The following GALNTL6 variants were observed in gnomAD, a reference collection of about 807,000 sequenced individuals.
The protein encoded by GALNTL6 is polypeptide N-acetylgalactosaminyltransferase like 6.
A neutral mutation model predicts 73.7 loss-of-function variants in GALNTL6; 46 were observed. That is an observed-to-expected ratio of 0.62 (90% confidence interval 0.49 to 0.80). The LOEUF is 0.80. Among genes scored for constraint, GALNTL6 ranks in the 30% least tolerant of loss-of-function variants. The pLI is 0.00. For missense variants in GALNTL6, 604 were observed against 755.0 expected, an observed-to-expected ratio of 0.80 and a Z score of 2.34; for synonymous variants, 259 against 263.7, an observed-to-expected ratio of 0.98 and a Z score of 0.17.
chr4:171,868,670 T>C (rs1249050758), intron 2 of GALNTL6, among the ~76,000 whole-genome samples: 2 of 152,140 alleles, frequency 1.3e-5, no homozygotes, highest in Admixed American at 6.5e-5. Context: ...TTCTCCTCAG[T>C]AACTGAACAT....
intron 3 of GALNTL6, among the ~76,000 whole-genome samples, chr4:172,241,408 A>G (rs1338259504): frequency 2.0e-5 from 3 of 152,252 alleles, no homozygotes; most frequent in African/African-American, 7.2e-5. Context: ...TAAAAGGAGC[A>G]ATTGAAAGAC....
chr4:171,996,162 A>G (rs1740478219), intron 2 of GALNTL6, among the ~76,000 whole-genome samples: 1 of 152,116 alleles, frequency 6.6e-6, no homozygotes, highest in South Asian at 2.1e-4. Context: ...AGTGATACAC[A>G]TGTTTATTAG....
chr4:172,501,984 T>C (rs1162981277), intron 5 of GALNTL6, among the ~76,000 whole-genome samples: 1 of 152,140 alleles, frequency 6.6e-6, no homozygotes, highest in Non-Finnish European at 1.5e-5. Context: ...AAGCATACAT[T>C]TCCTACTGCA....
intron 5 of GALNTL6, among the ~76,000 whole-genome samples, chr4:172,561,295 A>G (rs768016363): frequency 8.7e-5 from 13 of 149,862 alleles, no homozygotes; most frequent in African/African-American, 1.2e-4. Flanking sequence ...ATATTGCCCA[A>G]GTTCACACAG....
intron 2 of GALNTL6, among the ~76,000 whole-genome samples, chr4:171,909,507 G>A (rs1278392565): frequency 6.6e-6 from 1 of 152,090 alleles, no homozygotes; most frequent in African/African-American, 2.4e-5. Context: ...TAGTTGCTAA[G>A]CTCTTGCACA....
At chr4:171,996,875 A>G in intron 2 of GALNTL6, among the ~76,000 whole-genome samples, 1 of 152,052 alleles carries the variant, frequency 6.6e-6, no homozygotes, top group East Asian at 1.9e-4. Flanking sequence ...CCTAATAAAC[A>G]CCTAGATATA....
At chr4:172,888,090 C>G (rs1365011911) in intron 8 of GALNTL6, among the ~76,000 whole-genome samples, 1 of 152,068 alleles carries the variant, frequency 6.6e-6, no homozygotes, top group Non-Finnish European at 1.5e-5. Context: ...GATATTAGAC[C>G]TTTGTCACAT....
rs376420862 is a variant in GALNTL6 at position 172,759,730 on chromosome 4, A to G, written c.554-49631A>G. Among the ~76,000 whole-genome samples, 36 of 150,460 alleles carry G rather than the reference A, an allele frequency of 2.4e-4. No homozygotes were observed. In the East Asian group the frequency reaches 6.1e-3, roughly 26 times the overall value. ...GAACTAGGGAAGTGACTTTCTTAGG[A>G]TATTACACAGAGAAGGAATAGTTTT... On this transcript the variant is annotated intron_variant, in intron 5 of 12. Transcript: ENST00000506823.
intron 5 of GALNTL6, among the ~76,000 whole-genome samples, chr4:172,466,297 T>C (rs2111453263): frequency 6.6e-6 from 1 of 152,340 alleles, no homozygotes; most frequent in Non-Finnish European, 1.5e-5. Flanking sequence ...AGTAATGTGA[T>C]AGTTGAATTT....
intron 8 of GALNTL6, among the ~76,000 whole-genome samples, chr4:172,887,585 A>C (rs546626061): frequency 1.4e-4 from 17 of 121,740 alleles, no homozygotes; most frequent in Non-Finnish European, 3.1e-4. Flanking sequence ...TATTTTTGAG[A>C]TCGAGTCTCA....
chr4:172,583,754 T>C (rs1443938379), intron 5 of GALNTL6, among the ~76,000 whole-genome samples: 2 of 150,942 alleles, frequency 1.3e-5, no homozygotes, highest in Admixed American at 6.6e-5. Context: ...ACAAAAATTA[T>C]CCGGGGGTGG....
intron 3 of GALNTL6, among the ~76,000 whole-genome samples, chr4:172,256,932 A>G (rs889813824): frequency 6.6e-6 from 1 of 151,210 alleles, no homozygotes; most frequent in Non-Finnish European, 1.5e-5. Context: ...GGTTCAGAAA[A>G]CCTTCCAAAG....
chr4:171,945,380 G>C (rs1369236784), intron 2 of GALNTL6, among the ~76,000 whole-genome samples: 1 of 151,972 alleles, frequency 6.6e-6, no homozygotes, highest in Admixed American at 6.6e-5. Context: ...AAGTTTTTAA[G>C]GCATAAGAGA....
At chr4:172,444,758 C>T (rs1731958913) in intron 5 of GALNTL6, among the ~76,000 whole-genome samples, 1 of 152,086 alleles carries the variant, frequency 6.6e-6, no homozygotes, top group African/African-American at 2.4e-5. Context: ...CAGCAAAATA[C>T]CTCATCCAAT....
At chr4:172,542,476 C>T (rs943669671) in intron 5 of GALNTL6, among the ~76,000 whole-genome samples, 2 of 152,124 alleles carry the variant, frequency 1.3e-5, no homozygotes, top group African/African-American at 4.8e-5. Flanking sequence ...CCGAGGACTC[C>T]TATACCCTTA....
intron 3 of GALNTL6, among the ~76,000 whole-genome samples, chr4:172,246,419 T>G (rs1737662269): frequency 6.6e-6 from 1 of 152,192 alleles, no homozygotes; most frequent in African/African-American, 2.4e-5. Flanking sequence ...CATTAAAGAA[T>G]AACTTTTGAA....
In GALNTL6 at chr4:172,455,335, C is replaced by T. The variant is rs149128269; in HGVS notation, c.553+106646C>T. Among the ~76,000 whole-genome samples, 307 of 152,224 alleles carry T rather than the reference C, an allele frequency of 2.0e-3. 2 individuals are homozygous for T. Among genetic ancestry groups the T allele is most frequent in the Admixed American group, 0.016 (238 of 15,290 alleles). ...AGGAGTTTTTGTCATACCTCAGTGG[C>T]GCCTGGAACACCAGCGAGACAGAAC... On this transcript the variant is annotated intron_variant, in intron 5 of 12. Transcript: ENST00000506823.
intron 3 of GALNTL6, chr4:172,266,254 G>A (rs1285052353): frequency 2.0e-5 from 3 of 152,242 alleles, no homozygotes; most frequent in Admixed American, 1.3e-4. Context: ...CTGAGAGGAA[G>A]GCTGTTGGGG....
intron 2 of GALNTL6, among the ~76,000 whole-genome samples, chr4:172,086,987 G>A (rs902549031): frequency 1.3e-5 from 2 of 152,126 alleles, no homozygotes; most frequent in Admixed American, 6.5e-5. Flanking sequence ...GCACATGAGA[G>A]TCCCTCTTCT....
Sources: allele counts gnomAD v4.1 joint callset (sites outside exome capture counted in the v4.1 genomes callset), GRCh38; gene constraint gnomAD v4.1.1; transcripts MANE v1.5; gene names NCBI Gene and HGNC (gene_info 2026-07-23, HGNC 2026-07-21).